The following SRGAP2 variants were observed in gnomAD, a reference collection of about 807,000 sequenced individuals.
SRGAP2 encodes the protein SLIT-ROBO Rho GTPase activating protein 2.
SRGAP2 carries 15 observed loss-of-function variants against 57.2 expected under a neutral mutation model. The observed-to-expected ratio is 0.26, with a 90% CI of 0.18 to 0.40. SRGAP2 has a LOEUF of 0.40. Among genes scored for constraint, SRGAP2 ranks in the 10% least tolerant of loss-of-function variants. SRGAP2 has a pLI of 1.00. For synonymous variants in SRGAP2, 249 were observed against 248.0 expected, an observed-to-expected ratio of 1.00 and a Z score of -0.04; for missense variants, 520 against 669.6, an observed-to-expected ratio of 0.78 and a Z score of 2.47.
intron 13 of SRGAP2, among the ~76,000 whole-genome samples, chr1:206,428,380 G>C (rs1427885185): frequency 6.9e-6 from 1 of 145,680 alleles, no homozygotes; most frequent in African/African-American, 2.6e-5. Flanking sequence ...TCGCACCACT[G>C]CACTCTGTCT....
At chr1:206,239,460 T>C (rs1247265610) in intron 2 of SRGAP2, among the ~76,000 whole-genome samples, 2 of 152,142 alleles carry the variant, frequency 1.3e-5, no homozygotes, top group African/African-American at 4.8e-5. Context: ...AGAAAAGTTT[T>C]TTTTCTTTCT....
At chr1:206,398,180 G>A (rs1377698455) in intron 7 of SRGAP2, among the ~76,000 whole-genome samples, 1 of 151,854 alleles carries the variant, frequency 6.6e-6, no homozygotes, top group Non-Finnish European at 1.5e-5. Context: ...AGCCTGCTTT[G>A]TCCCCACTGT....
At chr1:206,325,241 G>GAATA (rs1158618373) in intron 3 of SRGAP2, among the ~76,000 whole-genome samples, 5 of 151,960 alleles carry the variant, frequency 3.3e-5, no homozygotes, top group Non-Finnish European at 7.4e-5. Flanking sequence ...CTACAAGCTG[G>GAATA]AATATACTTA....
chr1:206,299,816 CTTCTTCA>C (rs1671783273), intron 2 of SRGAP2, among the ~76,000 whole-genome samples: 1 of 152,134 alleles, frequency 6.6e-6, no homozygotes, highest in South Asian at 2.1e-4. Context: ...TGCCTTCTTC[CTTCTTCA>C]TTCTCTTTCT....
At chr1:206,226,342 CTA>C (rs1487628690) in intron 2 of SRGAP2, among the ~76,000 whole-genome samples, 19 of 152,034 alleles carry the variant, frequency 1.2e-4, no homozygotes, top group African/African-American at 4.6e-4. Flanking sequence ...TCCAAGGAGA[CTA>C]TAGGAGTTAT....
chr1:206,385,823 G>A (rs1286405624), intron 5 of SRGAP2, among the ~76,000 whole-genome samples: 3 of 152,174 alleles, frequency 2.0e-5, no homozygotes, highest in Non-Finnish European at 4.4e-5. Flanking sequence ...TGAGGCCATG[G>A]TCAACATAGA....
chr1:206,363,427 T>C (rs538227540), intron 4 of SRGAP2, among the ~76,000 whole-genome samples: 1 of 152,220 alleles, frequency 6.6e-6, no homozygotes, highest in East Asian at 1.9e-4. Context: ...GGGGCGAGAT[T>C]TTTAAAAAAT....
chr1:206,448,962 C>G (rs1310408062), intron 18 of SRGAP2, among the ~76,000 whole-genome samples: 2 of 152,132 alleles, frequency 1.3e-5, no homozygotes, highest in Non-Finnish European at 2.9e-5. Flanking sequence ...AACTGGTCAC[C>G]CAGTCTTTGA....
At chr1:206,374,169 C>A (rs1208531207) in intron 4 of SRGAP2, among the ~76,000 whole-genome samples, 2 of 150,242 alleles carry the variant, frequency 1.3e-5, no homozygotes, top group East Asian at 3.9e-4. Context: ...GGACTACAGG[C>A]GCCCGCCACT....
intron 2 of SRGAP2, among the ~76,000 whole-genome samples, 156 bp from the exon 3 acceptor site, chr1:206,303,125 A>G (rs1671972058): frequency 7.4e-6 from 1 of 135,654 alleles, no homozygotes; most frequent in African/African-American, 3.1e-5. Context: ...GGTGCCTCAC[A>G]TCCTATGGCC....
At chr1:206,437,892 TC>T in intron 15 of SRGAP2, 71 bp from the exon 16 acceptor site, 1 of 765,622 alleles carries the variant, frequency 1.3e-6, no homozygotes, top group South Asian at 1.4e-5. Flanking sequence ...GTTCACCCCT[TC>T]CCCACGTTCG....
intron 21 of SRGAP2, chr1:206,458,381 C>A (rs1553379153): frequency 1.5e-6 from 1 of 684,706 alleles, no homozygotes; most frequent in East Asian, 2.9e-5. Context: ...CAACTTACAT[C>A]TTGACAACAC....
chr1:206,374,068 A>G (rs1180012973), intron 4 of SRGAP2, among the ~76,000 whole-genome samples: 1 of 118,982 alleles, frequency 8.4e-6, no homozygotes, highest in East Asian at 2.6e-4. Flanking sequence ...TCTGTCACCC[A>G]GGCTGGAGTG....
At chr1:206,314,366 T>A (rs1553325326) in intron 3 of SRGAP2, among the ~76,000 whole-genome samples, 1 of 152,204 alleles carries the variant, frequency 6.6e-6, no homozygotes, top group Non-Finnish European at 1.5e-5. Context: ...ACTCCTGACC[T>A]CAGGTGATCC....
At chr1:206,355,962 G>A (rs1256506930) in intron 4 of SRGAP2, among the ~76,000 whole-genome samples, 16 of 150,850 alleles carry the variant, frequency 1.1e-4, no homozygotes, top group Non-Finnish European at 2.1e-4. Context: ...GCAAAACTCC[G>A]ACTCAAAAAA....
rs201876906 is a variant in SRGAP2 at position 206,461,117 on chromosome 1, C to T, written c.2913C>T (p.Asp971=). Residue 971 remains aspartate, a synonymous_variant, in exon 23 of 23, where the codon GAC becomes GAT. Transcript: ENST00000573034. The part of the protein sequence containing the change: ...ERQSSVKHTP[D]VVLDTLEPLK... ...AGAGCAGTGTCAAACACACCCCTGA[C>T]GTGGTTCTGGACACCTTGGAGCCCC... The T allele has an allele frequency of 1.3e-4, 105 of 779,750 alleles. 2 individuals carry two copies. Among genetic ancestry groups the T allele is most frequent in the South Asian group, 8.5e-4 (63 of 74,526 alleles). The allele number at this position is 779,750 out of a possible 1,614,324, so 48.3% of individuals were successfully genotyped here.
chr1:206,358,394 CT>C (rs1676625640), intron 4 of SRGAP2, among the ~76,000 whole-genome samples: 2 of 149,324 alleles, frequency 1.3e-5, no homozygotes, highest in African/African-American at 5.1e-5. Flanking sequence ...CTAAGCTAAT[CT>C]TTTTTTAGCG....
At chr1:206,439,033 G>A (rs1406881727) in intron 16 of SRGAP2, among the ~76,000 whole-genome samples, 1 of 152,124 alleles carries the variant, frequency 6.6e-6, no homozygotes, top group Non-Finnish European at 1.5e-5. Context: ...ATTCCCTTGG[G>A]TCATGTCTTT....
At chr1:206,334,789 G>T (rs1674652022) in intron 3 of SRGAP2, among the ~76,000 whole-genome samples, 1 of 151,504 alleles carries the variant, frequency 6.6e-6, no homozygotes, top group South Asian at 2.1e-4. Context: ...GAGCCAGACT[G>T]TCTGCCTCAG....
Sources: gnomAD v4.1 joint callset for allele counts (sites outside exome capture counted in the v4.1 genomes callset) on GRCh38, gnomAD v4.1.1 for gene constraint, MANE v1.5 for transcripts, NCBI Gene and HGNC (gene_info 2026-07-23, HGNC 2026-07-21) for gene names.